Variants in OLFM1 observed in about 807,000 individuals in gnomAD.
OLFM1 encodes the protein noelin.
Under a neutral mutation model 49.7 loss-of-function variants are expected in OLFM1, and 9 were observed. That is an observed-to-expected ratio of 0.18 (90% CI 0.11 to 0.32). The LOEUF (loss-of-function observed/expected upper bound fraction) is 0.32, where lower values mean the gene tolerates loss of function less well. OLFM1 is among the 10% of genes least tolerant of loss of function. The pLI, the probability that OLFM1 is intolerant of heterozygous loss-of-function variation, is 1.00. For missense variants in OLFM1, 369 were observed against 661.8 expected (o/e 0.56, Z 4.85); for synonymous variants, 240 against 271.8 (o/e 0.88, Z 1.15).
Position 135,087,978 on chromosome 9 carries a change from G to T in OLFM1, c.-12G>T. 4 of 1,438,708 alleles carry T rather than the reference G, an allele frequency of 2.8e-6. No homozygotes were observed. Among genetic ancestry groups the T allele is most frequent in the Non-Finnish European group, 3.7e-6 (4 of 1,085,678 alleles). The allele number at this position is 1,438,708 out of a possible 1,614,324, so 89.1% of individuals were successfully genotyped here. The stretch of plus-strand genomic sequence containing the variant: ...CAGCTCGGAGCGGGCGCTGGAGGCA[G>T]CTCGAGGCGCGATGTCGGTGCCGCT... On this transcript the variant is annotated 5_prime_UTR_variant, in exon 1 of 6. Coordinates refer to ENST00000371793, the MANE Select transcript of OLFM1 (RefSeq NM_001282611.2).
At chr9:135,076,984 G>C in intron 1 of OLFM1, 2 of 1,550,562 alleles carry the variant, frequency 1.3e-6, no homozygotes, top group South Asian at 1.2e-5. Flanking sequence ...GGGTTATGTC[G>C]TCCCGCTTAC....
intron 4 of OLFM1, among the ~76,000 whole-genome samples, chr9:135,105,337 T>C (rs890721841): frequency 2.0e-5 from 3 of 152,216 alleles, no homozygotes; most frequent in African/African-American, 4.8e-5. Flanking sequence ...ACCCAGTCTT[T>C]TTCTGTGGGC....
intron 2 of OLFM1, among the ~76,000 whole-genome samples, chr9:135,094,249 C>G (rs569026858): frequency 2.0e-4 from 31 of 152,284 alleles, no homozygotes; most frequent in African/African-American, 7.5e-4. Context: ...CAGTGTCACT[C>G]CCCCCATGAG....
At chr9:135,110,931 A>G (rs1831013478) in intron 5 of OLFM1, among the ~76,000 whole-genome samples, 1 of 152,192 alleles carries the variant, frequency 6.6e-6, no homozygotes, top group African/African-American at 2.4e-5. Context: ...CTTAAATAGC[A>G]TCCGCTTCCC....
intron 1 of OLFM1, among the ~76,000 whole-genome samples, chr9:135,079,764 C>T (rs146823209): frequency 5.9e-5 from 9 of 152,236 alleles, no homozygotes; most frequent in Admixed American, 2.6e-4. Flanking sequence ...TCATTAGCCA[C>T]GCATCCCCAG....
chr9:135,087,531 G>A, upstream of OLFM1: 1 of 1,302,840 alleles, frequency 7.7e-7, no homozygotes, highest in Non-Finnish European at 1.0e-6. Context: ...TGCAGACCTC[G>A]CTGCCAGCAG....
In OLFM1 at chr9:135,106,671, T is replaced by C; in HGVS notation, c.677-78T>C. 3.7e-6 allele frequency: 4 copies of C among 1,077,994 alleles called. No individual in the cohort carries two copies. In the South Asian group the frequency reaches 5.5e-5, roughly 15 times the overall value. 66.8% of individuals were successfully genotyped at this position (1,077,994 alleles called of 1,614,324 possible). On this transcript the variant is annotated intron_variant, in intron 4 of 5. Transcript: ENST00000371793. ...AAGCCGCCACATGGCACGTGTGCTC[T>C]GGGCAGTCGAGGTCAGGGTCATCAC...
chr9:135,086,489 C>T (rs1004107343), upstream of OLFM1: 10 of 385,750 alleles, frequency 2.6e-5, no homozygotes, highest in African/African-American at 1.3e-4. Flanking sequence ...TCCTTCCGGC[C>T]CGGCGTCCGT....
intron 1 of OLFM1, chr9:135,075,905 G>C: frequency 1.8e-5 from 23 of 1,256,818 alleles, no homozygotes; most frequent in Non-Finnish European, 2.2e-5. Context: ...GCCGCCCCGC[G>C]CCCCCGGCCT....
intron 5 of OLFM1, among the ~76,000 whole-genome samples, chr9:135,109,284 G>C (rs560294207): frequency 4.6e-5 from 7 of 152,342 alleles, no homozygotes; most frequent in African/African-American, 1.7e-4. Context: ...GGGGCTCCTG[G>C]AAGCCCCGGC....
rs61733032 is a variant in OLFM1, at chr9:135,119,851, C to T, written c.1131C>T (p.Ile377=). The T allele has an allele frequency of 4.1e-4, 654 of 1,613,732 alleles. 2 individuals are homozygous for T. The African/African-American group carries it at 7.3e-3, about 18-fold the overall frequency. ...VYATNQNAGN[I]VVSRLDPVSL... The stretch of plus-strand genomic sequence containing the variant: ...CCACCAACCAGAACGCTGGCAACAT[C>T]GTGGTCAGTAGGCTGGACCCCGTGT... The change falls in exon 6 of 6, where the codon ATC becomes ATT. Residue 377 remains isoleucine, a synonymous_variant. Transcript: ENST00000371793.
chr9:135,115,315 C>A (rs1029033945), intron 5 of OLFM1, among the ~76,000 whole-genome samples: 1 of 152,174 alleles, frequency 6.6e-6, no homozygotes, highest in Non-Finnish European at 1.5e-5. Flanking sequence ...GGGAGGAGGC[C>A]GGCGAAGCCT....
chr9:135,111,360 C>T (rs985036560), intron 5 of OLFM1, among the ~76,000 whole-genome samples: 4 of 152,296 alleles, frequency 2.6e-5, no homozygotes, highest in South Asian at 2.1e-4. Flanking sequence ...AGGCTGTGCT[C>T]GGGGCAGGGT....
upstream of OLFM1, among the ~76,000 whole-genome samples, chr9:135,083,376 G>A (rs376078372): frequency 2.0e-5 from 3 of 152,292 alleles, no homozygotes; most frequent in Middle Eastern, 3.4e-3. Context: ...GGGAGAGTGC[G>A]GAGGGTGCAT....
At chr9:135,093,396 C>G (rs1473611655) in intron 2 of OLFM1, among the ~76,000 whole-genome samples, 1 of 152,224 alleles carries the variant, frequency 6.6e-6, no homozygotes, top group Non-Finnish European at 1.5e-5. Flanking sequence ...AGTTGCTTAA[C>G]TTCTCTGAGC....
At chr9:135,078,100 A>AT (rs1440692579) in intron 1 of OLFM1, among the ~76,000 whole-genome samples, 1 of 152,210 alleles carries the variant, frequency 6.6e-6, no homozygotes, top group African/African-American at 2.4e-5. Context: ...ATCCCCAAGC[A>AT]TCTTACTTTC....
intron 3 of OLFM1, chr9:135,097,833 CT>C (rs1166246033): frequency 6.2e-7 from 1 of 1,612,696 alleles, no homozygotes; most frequent in African/African-American, 1.3e-5. Context: ...AAGCAGTCCA[CT>C]CCCATGTAAC....
In OLFM1 at chr9:135,088,155, G is replaced by T; in HGVS notation, c.150+16G>T. On this transcript the variant is annotated intron_variant, in intron 1 of 5. Coordinates refer to ENST00000371793, the MANE Select transcript of OLFM1 (RefSeq NM_001282611.2). The surrounding 1 kb of genome is among the most constrained non-coding windows in gnomAD (Gnocchi z 4.8). ...CAGCACCGGCGTAAGTGCGCCCGCC[G>T]GCCGCCTTGGCGCGGCTCCTCCTCC... is the stretch of plus-strand genomic sequence containing the variant. 1 of 1,321,170 alleles carries T rather than the reference G, an allele frequency of 7.6e-7. No homozygotes were observed. Among genetic ancestry groups the T allele is most frequent in the Non-Finnish European group, 9.8e-7 (1 of 1,023,494 alleles). 81.8% of individuals were successfully genotyped at this position (1,321,170 alleles called of 1,614,324 possible).
At chr9:135,093,460 G>A (rs1026380084) in intron 2 of OLFM1, among the ~76,000 whole-genome samples, 3 of 152,180 alleles carry the variant, frequency 2.0e-5, no homozygotes, top group Non-Finnish European at 4.4e-5. Context: ...TTCATTTCCC[G>A]GGGTTTTGTA....
Sources: gnomAD v4.1 joint callset for allele counts (sites outside exome capture counted in the v4.1 genomes callset) on GRCh38, gnomAD v4.1.1 for gene constraint, Gnocchi (gnomAD v3.1) non-coding constraint, MANE v1.5 for transcripts, NCBI Gene and HGNC (gene_info 2026-07-23, HGNC 2026-07-21) for gene names.